Variants in ZNF74 observed in about 807,000 individuals in gnomAD.
The protein encoded by ZNF74 is zinc finger protein 520.
In ZNF74, 12 loss-of-function variants were observed where a neutral mutation model predicts 17.7. That is an observed-to-expected ratio of 0.68 (90% confidence interval 0.43 to 1.10). The LOEUF is 1.10. ZNF74 is among the 50% of genes least tolerant of loss of function. The probability of loss-of-function intolerance (pLI) is 0.00; values close to 1 mark genes in which losing one functional copy is unlikely to be tolerated. For missense variants in ZNF74, 811 were observed against 881.0 expected (o/e 0.92, Z 1.01); for synonymous variants, 358 against 362.1 (o/e 0.99, Z 0.13).
Position 20,401,467 on chromosome 22 carries a change from C to A in ZNF74, c.343+95C>A. On this transcript the variant is annotated intron_variant, in intron 4 of 4. Transcript: ENST00000400451. The surrounding 1 kb of genome is among the most constrained non-coding windows in gnomAD (Gnocchi z 4.2). ...ATTTTCCTCCCTCAGTTTGCCCCGG[C>A]TCCATCTCCCCTTTTCAGGTCCCCC... The A allele has an allele frequency of 1.3e-6, 1 of 798,876 alleles. No homozygotes were observed. Among genetic ancestry groups the A allele is most frequent in the Non-Finnish European group, 2.1e-6 (1 of 482,756 alleles). 49.5% of individuals were successfully genotyped at this position (798,876 alleles called of 1,614,324 possible).
At chr22:20,396,923 A>G (rs956039295) in intron 2 of ZNF74, among the ~76,000 whole-genome samples, 4 of 152,142 alleles carry the variant, frequency 2.6e-5, no homozygotes, top group African/African-American at 7.2e-5. Flanking sequence ...CCCAGTGGCC[A>G]GAAATACCCA....
At chr22:20,400,453 C>T (rs559757015) in intron 2 of ZNF74, 179 bp from the exon 3 acceptor site, 24 of 661,726 alleles carry the variant, frequency 3.6e-5, no homozygotes, top group South Asian at 2.5e-4. Flanking sequence ...TCCCAGCCCC[C>T]CTCCCTGCCC....
chr22:20,401,648 A>C lies in ZNF74; in HGVS notation c.343+276A>C, dbSNP rs1156582502. Among the ~76,000 whole-genome samples the C allele has an allele frequency of 6.6e-6, 1 of 151,990 alleles. No individual in the cohort carries two copies. The highest frequency in any genetic ancestry group is 2.4e-5 in the African/African-American group (1 of 41,382). On this transcript the variant is annotated intron_variant, in intron 4 of 4. Transcript: ENST00000400451. The surrounding 1 kb of genome is among the most constrained non-coding windows in gnomAD (Gnocchi z 4.2). ...GAGGCAGGAATAGAAATATTGAGCC[A>C]TTGGTGTTGGCTGGGCAGCCGGGGG...
In ZNF74 at chr22:20,406,874, A is replaced by G. The variant is rs1404363513; in HGVS notation, c.1841A>G (p.Asp614Gly). ...GGGGATGCTGGACTGAGGGACGTGG[A>G]TCCCATCGACGCGCTGGATGTGGCA... ...GAGDAGLRDV[D>G]PIDALDVAKL... The change falls in exon 5 of 5, where the codon GAT becomes GGT. Residue 614 changes from aspartate to glycine, a missense_variant. Transcript: ENST00000400451. 1.9e-6 allele frequency: 3 copies of G among 1,614,044 alleles called. No homozygotes were observed. Among genetic ancestry groups the G allele is most frequent in the Non-Finnish European group, 2.5e-6 (3 of 1,180,048 alleles).
intron 1 of ZNF74, 133 bp from the exon 2 acceptor site, chr22:20,395,200 G>C (rs2052278873): frequency 1.6e-6 from 1 of 636,064 alleles, no homozygotes; most frequent in Non-Finnish European, 2.9e-6. Flanking sequence ...CTAGCTACTG[G>C]GGCTCGTTCC....
At position 20,406,101 on chromosome 22, in the gene ZNF74, C is replaced by A; in HGVS notation, c.1068C>A (p.Gly356=). Residue 356 remains glycine, a synonymous_variant, in exon 5 of 5, where the codon GGC becomes GGA. Coordinates refer to ENST00000400451, the MANE Select transcript of ZNF74 (RefSeq NM_003426.4). Reference sequence around the variant, plus strand: ...GCATGCACCTGCGGGTGCACACCGGCGAGAAGCCCTACCGGTGCGGCGAGT... The same window carrying A: ...GCATGCACCTGCGGGTGCACACCGGAGAGAAGCCCTACCGGTGCGGCGAGT... The part of the protein sequence containing the change: ...LLSMHLRVHT[G]EKPYRCGECG... 1 of 1,612,426 alleles carries A rather than the reference C, an allele frequency of 6.2e-7. No individual in the cohort carries two copies. The highest frequency in any genetic ancestry group is 8.5e-7 in the Non-Finnish European group (1 of 1,179,504).
At position 20,406,067 on chromosome 22, in the gene ZNF74, C is replaced by A; in HGVS notation, c.1034C>A (p.Ser345Ter). ...TGCGAGAAGGCCTTCAGCTGCAGCT[C>A]GCTGCTCAGCATGCACCTGCGGGTG... is the stretch of plus-strand genomic sequence containing the variant. ...SACEKAFSCS[S>*]LLSMHLRVHT... Residue 345 changes from serine (S) to a stop codon, truncating the protein, a stop_gained, in exon 5 of 5, where the codon TCG (serine) becomes TAG (stop). Transcript: ENST00000400451. LOFTEE classifies it low-confidence loss of function (END_TRUNC). 1 of 1,613,314 alleles carries A rather than the reference C, an allele frequency of 6.2e-7. No homozygotes were observed. The highest frequency in any genetic ancestry group is 8.5e-7 in the Non-Finnish European group (1 of 1,179,738).
At chr22:20,395,791 G>A (rs1399753627) in intron 2 of ZNF74, among the ~76,000 whole-genome samples, 1 of 152,164 alleles carries the variant, frequency 6.6e-6, no homozygotes, top group African/African-American at 2.4e-5. Flanking sequence ...TGTTTGCACG[G>A]TTGGTTTACT....
intron 4 of ZNF74, among the ~76,000 whole-genome samples, chr22:20,403,591 C>T (rs2052381555): frequency 6.6e-6 from 1 of 152,098 alleles, no homozygotes; most frequent in African/African-American, 2.4e-5. Context: ...ACCTTACACA[C>T]CACCAAAGCC....
rs1412987980 is a variant in ZNF74 at position 20,394,735 on chromosome 22, GCCAGTTT to G, written c.34+76_34+82del. 47 of 1,452,334 alleles carry G rather than the reference GCCAGTTT, an allele frequency of 3.2e-5. 1 individual carries two copies. In the East Asian group the frequency reaches 4.3e-4, roughly 13 times the overall value. 90.0% of individuals were successfully genotyped at this position (1,452,334 alleles called of 1,614,324 possible). The stretch of plus-strand genomic sequence containing the variant: ...GGATATTGACACTCAGAGAGATCAG[GCCAGTTT>G]CCCAGAAGCATCCAGCATCTTTTTT... On this transcript the variant is annotated intron_variant, in intron 1 of 4. Coordinates refer to ENST00000400451, the MANE Select transcript of ZNF74 (RefSeq NM_003426.4).
chr22:20,394,457 C>G lies in ZNF74; in HGVS notation c.-172C>G. The G allele has an allele frequency of 6.1e-6, 4 of 660,160 alleles. No homozygotes were observed. The highest frequency in any genetic ancestry group is 2.6e-5 in the Admixed American group (1 of 37,952). The allele number at this position is 660,160 out of a possible 1,614,324, so 40.9% of individuals were successfully genotyped here. On this transcript the variant is annotated 5_prime_UTR_variant, in exon 1 of 5. Coordinates refer to ENST00000400451, the MANE Select transcript of ZNF74 (RefSeq NM_003426.4). Reference sequence around the variant, plus strand: ...GCCTGAACCCCACCTCAGCCGGGCGCGGGGAGGGGGCTCCGTGCGTGTGAT... The same window carrying G: ...GCCTGAACCCCACCTCAGCCGGGCGGGGGGAGGGGGCTCCGTGCGTGTGAT...
chr22:20,395,152 C>T, intron 1 of ZNF74, 181 bp from the exon 2 acceptor site: 1 of 564,546 alleles, frequency 1.8e-6, no homozygotes, highest in East Asian at 2.8e-5. Flanking sequence ...GTGTCTGAGA[C>T]ACAGGCAGAT....
rs1020217319 is a variant in ZNF74, at chr22:20,394,211, C to A, written c.-418C>A. The A allele has an allele frequency of 2.9e-5, 20 of 692,378 alleles. No homozygotes were observed. The African/African-American group carries it at 3.4e-4, about 12-fold the overall frequency. 42.9% of individuals were successfully genotyped at this position (692,378 alleles called of 1,614,324 possible). On this transcript the variant is annotated 5_prime_UTR_variant, in exon 1 of 5. Coordinates refer to ENST00000400451, the MANE Select transcript of ZNF74 (RefSeq NM_003426.4). The stretch of plus-strand genomic sequence containing the variant: ...GTCCTTTTGTGGGAGTCCGGTCTGT[C>A]CACTTGCCGGTCCCTCAGACCGTCG...
At chr22:20,395,528 T>C in intron 2 of ZNF74, 110 bp downstream of exon 2, 1 of 774,754 alleles carries the variant, frequency 1.3e-6, no homozygotes, top group Non-Finnish European at 2.1e-6. Context: ...TGCTGGCCAG[T>C]CCTCAGGAAG....
rs747876398 is a variant in ZNF74 at position 20,405,327 on chromosome 22, T to C, written c.344-50T>C. 3 of 1,537,736 alleles carry C rather than the reference T, an allele frequency of 2.0e-6. No individual in the cohort carries two copies. The African/African-American group carries it at 4.2e-5, about 21-fold the overall frequency. On this transcript the variant is annotated intron_variant, in intron 4 of 4. Transcript: ENST00000400451. ...CAGGCCAATTCTCAAATCTGAATTC[T>C]AGGCCAGGTTTCCGCTTGCTCACAG...
chr22:20,403,000 A>C (rs1601276135), intron 4 of ZNF74, among the ~76,000 whole-genome samples: 1 of 151,996 alleles, frequency 6.6e-6, no homozygotes, highest in South Asian at 2.1e-4. Context: ...AGCCTTATGC[A>C]CCCTCGGAAG....
chr22:20,406,853 A>T lies in ZNF74; in HGVS notation c.1820A>T (p.Asp607Val). Residue 607 changes from aspartate (D) to valine (V), a missense_variant, in exon 5 of 5, where the codon GAT becomes GTT. Coordinates refer to ENST00000400451, the MANE Select transcript of ZNF74 (RefSeq NM_003426.4). The part of the protein sequence containing the change: ...YVPGSLLGAG[D>V]AGLRDVDPID... The stretch of plus-strand genomic sequence containing the variant: ...CCTGGCAGCCTGCTGGGTGCAGGGG[A>T]TGCTGGACTGAGGGACGTGGATCCC... The T allele has an allele frequency of 6.2e-7, 1 of 1,614,016 alleles. No individual in the cohort carries two copies. Among genetic ancestry groups the T allele is most frequent in the Non-Finnish European group, 8.5e-7 (1 of 1,180,014 alleles).
intron 2 of ZNF74, among the ~76,000 whole-genome samples, chr22:20,396,103 T>C (rs1471405231): frequency 6.6e-6 from 1 of 151,936 alleles, no homozygotes; most frequent in Non-Finnish European, 1.5e-5. Context: ...TTTAGAAGGG[T>C]GCAGTTGACA....
In ZNF74 at chr22:20,406,949, G is replaced by A. The variant is rs751251735; in HGVS notation, c.1916G>A (p.Gly639Glu). The change falls in exon 5 of 5, where the codon GGG becomes GAG. Residue 639 changes from glycine to glutamate, a missense_variant. Transcript: ENST00000400451. ...AGAGCTGGCAGGAATTTCTCCCTGG[G>A]GAGCAAACCTCGAAACTAACATGAT... Reference protein sequence around the residue: ...PPRAGRNFSLGSKPRN With the variant: ...PPRAGRNFSLESKPRN 9.3e-6 allele frequency: 15 copies of A among 1,612,788 alleles called. No homozygotes were observed. Among genetic ancestry groups the A allele is most frequent in the East Asian group, 8.9e-5 (4 of 44,888 alleles).
Sources: gnomAD v4.1 joint callset for allele counts (sites outside exome capture counted in the v4.1 genomes callset) on GRCh38, gnomAD v4.1.1 for gene constraint, Gnocchi (gnomAD v3.1) non-coding constraint, MANE v1.5 for transcripts, NCBI Gene and HGNC (gene_info 2026-07-23, HGNC 2026-07-21) for gene names.